UNC13C: variants seen among roughly 807,000 people sequenced by gnomAD.
The protein encoded by UNC13C is unc-13 homolog C.
UNC13C carries 174 observed loss-of-function variants against 245.4 expected under a neutral mutation model. That is an observed-to-expected ratio of 0.71 (90% confidence interval 0.63 to 0.80). The LOEUF (loss-of-function observed/expected upper bound fraction) is 0.80, where lower values mean the gene tolerates loss of function less well. UNC13C is among the 30% of genes least tolerant of loss of function. The probability of loss-of-function intolerance (pLI) is 0.00; values close to 1 mark genes in which losing one functional copy is unlikely to be tolerated. For missense variants in UNC13C, 2,829 were observed against 2,602.9 expected, an observed-to-expected ratio of 1.09 and a Z score of -1.89; for synonymous variants, 992 against 895.1, an observed-to-expected ratio of 1.11 and a Z score of -1.93.
At chr15:53,864,354 T>C in the UNC13C span, among the ~76,000 whole-genome samples, 1 of 152,224 alleles carries the variant, frequency 6.6e-6, no homozygotes, top group Admixed American at 6.5e-5. Context: ...AAAATAATAA[T>C]AAAAGTTGTG....
intron 4 of UNC13C, among the ~76,000 whole-genome samples, chr15:54,194,186 C>T (rs1252350162): frequency 6.6e-6 from 1 of 152,062 alleles, no homozygotes; most frequent in Non-Finnish European, 1.5e-5. Context: ...TACAATGACC[C>T]AAGTTAGACG....
At chr15:53,939,150 G>A in the UNC13C span, among the ~76,000 whole-genome samples, 1 of 151,682 alleles carries the variant, frequency 6.6e-6, no homozygotes, top group Non-Finnish European at 1.5e-5. Flanking sequence ...CAGATACAAG[G>A]GGGATATCAC....
rs148068891 is a variant in UNC13C, at chr15:54,058,411, G to C, written c.2983+42525G>C. Among the ~76,000 whole-genome samples, 65 of 152,212 alleles carry C rather than the reference G, an allele frequency of 4.3e-4. 1 individual carries two copies. Among genetic ancestry groups the C allele is most frequent in the African/African-American group, 1.6e-3 (65 of 41,524 alleles). On this transcript the variant is annotated intron_variant, in intron 2 of 32. Coordinates refer to ENST00000260323, the MANE Select transcript of UNC13C (RefSeq NM_001080534.3). ...CATACACTCTCCCAAGACTAAACCAGGAAGAAATTGAATTTCTGAATAGAC... is the reference window on the plus strand; with the variant it reads ...CATACACTCTCCCAAGACTAAACCACGAAGAAATTGAATTTCTGAATAGAC...
the UNC13C span, among the ~76,000 whole-genome samples, chr15:53,908,297 A>G: frequency 1.0e-3 from 151 of 146,536 alleles, 5 homozygotes; most frequent in African/African-American, 3.6e-3. Context: ...ATTTTAGAAG[A>G]AAGACTTAGG....
At chr15:53,934,991 A>G in the UNC13C span, among the ~76,000 whole-genome samples, 2 of 152,308 alleles carry the variant, frequency 1.3e-5, no homozygotes, top group South Asian at 4.1e-4. Context: ...ATTCCCTAGC[A>G]GTATATATTC....
At chr15:54,538,047 C>G (rs1182202614) in intron 26 of UNC13C, among the ~76,000 whole-genome samples, 1 of 132,622 alleles carries the variant, frequency 7.5e-6, no homozygotes, top group African/African-American at 2.8e-5. Flanking sequence ...AGACATCTTA[C>G]AGAATAGGAG....
chr15:54,621,591 T>C (rs1202241831), intron 30 of UNC13C, among the ~76,000 whole-genome samples: 1 of 152,130 alleles, frequency 6.6e-6, no homozygotes, highest in Non-Finnish European at 1.5e-5. Context: ...TGCTTCAGTT[T>C]GGGGAAAAAT....
intron 17 of UNC13C, among the ~76,000 whole-genome samples, chr15:54,377,126 G>C (rs1184527731): frequency 6.6e-6 from 1 of 152,190 alleles, no homozygotes; most frequent in Non-Finnish European, 1.5e-5. Context: ...TTTTCCTTCA[G>C]AGCCTCCAGA....
chr15:54,216,870 T>C (rs1287590471), intron 4 of UNC13C, among the ~76,000 whole-genome samples: 1 of 151,982 alleles, frequency 6.6e-6, no homozygotes, highest in Admixed American at 6.6e-5. Flanking sequence ...TCATCTTATG[T>C]TCAACCAAGG....
chr15:54,500,653 T>C (rs1438588309), intron 21 of UNC13C, among the ~76,000 whole-genome samples, 182 bp from the exon 22 acceptor site: 1 of 152,136 alleles, frequency 6.6e-6, no homozygotes, highest in Non-Finnish European at 1.5e-5. Context: ...TGCCCCATGA[T>C]ATTAGTTCCA....
chr15:53,882,709 G>A, the UNC13C span, among the ~76,000 whole-genome samples: 1 of 152,290 alleles, frequency 6.6e-6, no homozygotes, highest in South Asian at 2.1e-4. Context: ...TTTTGGTGGA[G>A]TAAAACCAGT....
intron 30 of UNC13C, among the ~76,000 whole-genome samples, chr15:54,588,254 A>G (rs1055952328): frequency 6.6e-6 from 1 of 152,178 alleles, no homozygotes; most frequent in Non-Finnish European, 1.5e-5. Flanking sequence ...TACATTTTCA[A>G]TTTATTTCCT....
intron 2 of UNC13C, among the ~76,000 whole-genome samples, chr15:54,027,130 G>A (rs955750161): frequency 3.3e-5 from 5 of 149,436 alleles, no homozygotes; most frequent in Admixed American, 2.0e-4. Context: ...CATGAGCCAC[G>A]TTCTATAGGC....
the UNC13C span, among the ~76,000 whole-genome samples, chr15:53,858,913 A>G: frequency 6.6e-6 from 1 of 152,146 alleles, no homozygotes; most frequent in Admixed American, 6.5e-5. Flanking sequence ...GATTCAAACT[A>G]TCATTTTATG....
intron 4 of UNC13C, among the ~76,000 whole-genome samples, chr15:54,152,838 T>C (rs901298032): frequency 6.6e-6 from 1 of 151,866 alleles, no homozygotes; most frequent in African/African-American, 2.4e-5. Context: ...ACATCTAATA[T>C]ATATAAAAGT....
At chr15:54,265,586 T>G (rs1024528823) in intron 10 of UNC13C, 90 bp downstream of exon 10, 73 of 1,012,838 alleles carry the variant, frequency 7.2e-5, no homozygotes, top group Non-Finnish European at 9.1e-5. Context: ...AATTATCTCA[T>G]TTTTTAATAA....
intron 1 of UNC13C, among the ~76,000 whole-genome samples, chr15:53,988,905 T>C (rs1186232115): frequency 6.6e-6 from 1 of 152,008 alleles, no homozygotes; most frequent in African/African-American, 2.4e-5. Context: ...ATTTATTGTG[T>C]GAATGAATAA....
chr15:54,360,703 C>G lies in UNC13C; in HGVS notation c.4713+22214C>G, dbSNP rs112942604. Among the ~76,000 whole-genome samples the G allele has an allele frequency of 5.3e-3, 803 of 152,166 alleles. 2 individuals carry two copies. The highest frequency in any genetic ancestry group is 0.019 in the African/African-American group (769 of 41,552). ...GCCTTTATTTGCCTGGGAAAGTTCTCTCTCCTGTATGTTTCCTGGATAGCT... is the reference window on the plus strand; with the variant it reads ...GCCTTTATTTGCCTGGGAAAGTTCTGTCTCCTGTATGTTTCCTGGATAGCT... On this transcript the variant is annotated intron_variant, in intron 17 of 32. Coordinates refer to ENST00000260323, the MANE Select transcript of UNC13C (RefSeq NM_001080534.3).
the UNC13C span, among the ~76,000 whole-genome samples, chr15:53,874,896 A>T: frequency 6.6e-6 from 1 of 152,142 alleles, no homozygotes; most frequent in Admixed American, 6.6e-5. Flanking sequence ...GAGTTCGAGA[A>T]CATACAGGCC....
Sources: gnomAD v4.1 joint callset for allele counts (sites outside exome capture counted in the v4.1 genomes callset) on GRCh38, gnomAD v4.1.1 for gene constraint, MANE v1.5 for transcripts, NCBI Gene and HGNC (gene_info 2026-07-23, HGNC 2026-07-21) for gene names.